Variants in LY86 observed in about 807,000 individuals in gnomAD.
LY86 encodes the protein MD-1, RP105-associated.
Under a neutral mutation model 17.3 loss-of-function variants are expected in LY86, and 20 were observed. That is an observed-to-expected ratio of 1.15 (90% CI 0.81 to 1.68). The LOEUF is 1.68. LY86 is among the 40% of genes most tolerant of loss of function. The pLI is 0.00. For synonymous variants in LY86, 74 were observed against 70.6 expected (o/e 1.05, Z -0.24); for missense variants, 200 against 191.9 (o/e 1.04, Z -0.25).
chr6:6,597,350 T>C (rs1216802960), intron 1 of LY86, among the ~76,000 whole-genome samples: 2 of 152,078 alleles, frequency 1.3e-5, no homozygotes, highest in Non-Finnish European at 2.9e-5. Flanking sequence ...CGATCCTAAT[T>C]AGAGCAGTCA....
intron 1 of LY86, among the ~76,000 whole-genome samples, chr6:6,603,949 T>C (rs1761009956): frequency 6.6e-6 from 1 of 152,170 alleles, no homozygotes; most frequent in Non-Finnish European, 1.5e-5. Context: ...CTCTGCCTAA[T>C]CTCTTGGGAA....
intron 1 of LY86, among the ~76,000 whole-genome samples, chr6:6,613,590 A>C (rs1487458706): frequency 1.3e-5 from 2 of 151,896 alleles, no homozygotes; most frequent in African/African-American, 4.8e-5. Flanking sequence ...TCTGGCCCGC[A>C]AGCGCCGCGC....
At chr6:6,613,641 C>T (rs1218495253) in intron 1 of LY86, among the ~76,000 whole-genome samples, 2 of 152,232 alleles carry the variant, frequency 1.3e-5, no homozygotes, top group Non-Finnish European at 2.9e-5. Flanking sequence ...TTCATATCTC[C>T]CCGCAAGCTG....
intron 1 of LY86, among the ~76,000 whole-genome samples, chr6:6,617,472 G>A (rs945558429): frequency 2.0e-5 from 3 of 152,188 alleles, no homozygotes; most frequent in African/African-American, 7.2e-5. Flanking sequence ...GACTATAAAT[G>A]AGAGATTTAG....
At chr6:6,615,765 A>G (rs1298881245) in intron 1 of LY86, among the ~76,000 whole-genome samples, 2 of 150,856 alleles carry the variant, frequency 1.3e-5, no homozygotes, top group African/African-American at 4.9e-5. Flanking sequence ...AGTGGACCAC[A>G]TCTGTAGTCC....
chr6:6,619,962 G>T (rs1761637003), intron 1 of LY86, among the ~76,000 whole-genome samples: 2 of 152,112 alleles, frequency 1.3e-5, no homozygotes, highest in African/African-American at 4.8e-5. Context: ...CAATCTTGGG[G>T]TTGCACTTGG....
intron 4 of LY86, 33 bp from the exon 5 acceptor site, chr6:6,654,511 A>T (rs764486174): frequency 5.3e-6 from 8 of 1,500,880 alleles, no homozygotes; most frequent in Non-Finnish European, 6.5e-6. Flanking sequence ...ACTGTGGGTC[A>T]CACGTCTAAT....
intron 1 of LY86, among the ~76,000 whole-genome samples, chr6:6,599,296 G>A (rs911692608): frequency 2.7e-4 from 41 of 152,192 alleles, no homozygotes; most frequent in Non-Finnish European, 2.2e-4. Flanking sequence ...CAAAACAGTA[G>A]TCTTCCTATT....
intron 3 of LY86, among the ~76,000 whole-genome samples, chr6:6,638,148 T>C (rs1175884990): frequency 6.6e-6 from 1 of 152,210 alleles, no homozygotes; most frequent in East Asian, 1.9e-4. Context: ...AGCCATTAAG[T>C]ACTAGGAGCA....
chr6:6,594,413 G>C (rs1344294151), intron 1 of LY86, among the ~76,000 whole-genome samples: 9 of 151,702 alleles, frequency 5.9e-5, no homozygotes, highest in Non-Finnish European at 1.2e-4. Context: ...AGTTTTATTT[G>C]ACACAGCTGC....
At chr6:6,613,417 A>G (rs1761453099) in intron 1 of LY86, among the ~76,000 whole-genome samples, 1 of 152,196 alleles carries the variant, frequency 6.6e-6, no homozygotes, top group South Asian at 2.1e-4. Flanking sequence ...GGTGGGCTGC[A>G]GGTCCTGAGC....
intron 3 of LY86, among the ~76,000 whole-genome samples, chr6:6,630,286 T>C (rs1761879753): frequency 6.6e-6 from 1 of 152,224 alleles, no homozygotes; most frequent in South Asian, 2.1e-4. Flanking sequence ...GAATAGAAAG[T>C]TCTGAATCAA....
Position 6,618,052 on chromosome 6 carries a change from G to A in LY86, c.137-6874G>A, listed in dbSNP as rs181286179. On this transcript the variant is annotated intron_variant, in intron 1 of 4. Transcript: ENST00000230568. ...GATGGGGTTTCACCATGTTGGCCAGGCTGGTCTTGAACTCCTCACCTCAGG... is the reference window on the plus strand; with the variant it reads ...GATGGGGTTTCACCATGTTGGCCAGACTGGTCTTGAACTCCTCACCTCAGG... 3.3e-3 allele frequency among the ~76,000 whole-genome samples: 496 copies of A among 152,316 alleles called. 4 individuals carry two copies. The highest frequency in any genetic ancestry group is 0.011 in the African/African-American group (475 of 41,574).
intron 4 of LY86, among the ~76,000 whole-genome samples, chr6:6,652,933 C>T (rs545997855): frequency 6.6e-6 from 1 of 152,204 alleles, no homozygotes; most frequent in Non-Finnish European, 1.5e-5. Flanking sequence ...TGTCTAAATG[C>T]ACATAGAGAT....
At chr6:6,633,409 A>C (rs900058973) in intron 3 of LY86, among the ~76,000 whole-genome samples, 1 of 152,116 alleles carries the variant, frequency 6.6e-6, no homozygotes, top group Non-Finnish European at 1.5e-5. Context: ...TCCAACTTCT[A>C]TTTTAAGTTC....
At chr6:6,639,990 C>G (rs752409501) in intron 3 of LY86, among the ~76,000 whole-genome samples, 5 of 152,132 alleles carry the variant, frequency 3.3e-5, no homozygotes, top group African/African-American at 1.2e-4. Context: ...ACAGATAATG[C>G]GCTTGCTCAC....
At chr6:6,601,250 G>A (rs1760897631) in intron 1 of LY86, among the ~76,000 whole-genome samples, 1 of 152,164 alleles carries the variant, frequency 6.6e-6, no homozygotes, top group Non-Finnish European at 1.5e-5. Flanking sequence ...AGAAGCAGTG[G>A]TAGGAGAACA....
At chr6:6,636,987 T>C (rs1361856014) in intron 3 of LY86, among the ~76,000 whole-genome samples, 3 of 140,430 alleles carry the variant, frequency 2.1e-5, no homozygotes, top group African/African-American at 7.9e-5. Flanking sequence ...CTAAATGGAA[T>C]GAAAGGAAGC....
chr6:6,591,956 G>A (rs1245637891), intron 1 of LY86, among the ~76,000 whole-genome samples: 1 of 152,206 alleles, frequency 6.6e-6, no homozygotes, highest in Non-Finnish European at 1.5e-5. Flanking sequence ...GGAAGTGGAA[G>A]ACATGAGCAA....
Sources: gnomAD v4.1 joint callset for allele counts (sites outside exome capture counted in the v4.1 genomes callset) on GRCh38, gnomAD v4.1.1 for gene constraint, MANE v1.5 for transcripts, NCBI Gene and HGNC (gene_info 2026-07-23, HGNC 2026-07-21) for gene names.